AKAP14: variants seen among roughly 807,000 people sequenced by gnomAD.
AKAP14 encodes A-kinase anchor protein 14.
AKAP14 carries 4 observed loss-of-function variants against 17.0 expected under a neutral mutation model. The observed-to-expected ratio is 0.23, with a 90% confidence interval of 0.12 to 0.54. AKAP14 has a LOEUF of 0.54. AKAP14 is among the 20% of genes least tolerant of loss of function. The pLI is 0.95. For synonymous variants in AKAP14, 42 were observed against 51.3 expected, an observed-to-expected ratio of 0.82 and a Z score of 0.77; for missense variants, 129 against 150.9, an observed-to-expected ratio of 0.85 and a Z score of 0.76.
intron 4 of AKAP14, among the ~76,000 whole-genome samples, chrX:119,906,360 G>A (rs1422775627): frequency 2.9e-5 from 3 of 102,736 alleles, no homozygotes; most frequent in Non-Finnish European, 5.9e-5. Context: ...TCAGCCTCCC[G>A]AGTAGCTGGG....
chrX:119,902,759 T>C (rs2056574124), intron 2 of AKAP14, among the ~76,000 whole-genome samples: 1 of 111,248 alleles, frequency 9.0e-6, no homozygotes, highest in Non-Finnish European at 1.9e-5. Context: ...TGGCGCGATC[T>C]TGGCTCACTG....
chrX:119,916,472 CTATCT>C (rs1179612891), intron 5 of AKAP14, among the ~76,000 whole-genome samples: 1 of 105,474 alleles, frequency 9.5e-6, no homozygotes, highest in African/African-American at 3.4e-5. Flanking sequence ...ATCTATCTAT[CTATCT>C]ATCTATCATC....
intron 4 of AKAP14, 47 bp from the exon 5 acceptor site, chrX:119,914,652 G>A: frequency 1.4e-5 from 16 of 1,151,661 alleles, no homozygotes; most frequent in Non-Finnish European, 1.9e-5. Context: ...GACTTGAACA[G>A]AAGGCTTTTC....
At chrX:119,916,360 G>A (rs1289269713) in intron 5 of AKAP14, among the ~76,000 whole-genome samples, 1 of 110,566 alleles carries the variant, frequency 9.0e-6, no homozygotes, top group African/African-American at 3.3e-5. Context: ...GATTACAGGC[G>A]TGAGCCACCA....
At chrX:119,898,053 C>T (rs937784706) in intron 2 of AKAP14, among the ~76,000 whole-genome samples, 7 of 112,449 alleles carry the variant, frequency 6.2e-5, no homozygotes, top group African/African-American at 2.3e-4. Context: ...ATCCCAGCTA[C>T]TCAGGAGGCT....
chrX:119,903,423 T>G (rs2056579421), intron 3 of AKAP14, 31 bp downstream of exon 3: 2 of 1,210,730 alleles, frequency 1.7e-6, no homozygotes, highest in Admixed American at 2.2e-5. Flanking sequence ...GATGCCTAAA[T>G]AATTGTCTAT....
intron 4 of AKAP14, among the ~76,000 whole-genome samples, chrX:119,906,184 G>A (rs1414121662): frequency 3.8e-5 from 4 of 104,912 alleles, no homozygotes; most frequent in Non-Finnish European, 5.8e-5. Context: ...ATGTAAAATC[G>A]CCCTGTTCCC....
intron 4 of AKAP14, among the ~76,000 whole-genome samples, chrX:119,908,955 C>G (rs1276413353): frequency 9.0e-6 from 1 of 111,348 alleles, no homozygotes; most frequent in African/African-American, 3.3e-5. Context: ...ACTGAGGCTT[C>G]TAGTGGGGTG....
At chrX:119,916,444 CTATCT>C (rs1412063779) in intron 5 of AKAP14, among the ~76,000 whole-genome samples, 10 of 100,779 alleles carry the variant, frequency 9.9e-5, no homozygotes, top group Non-Finnish European at 1.0e-4. Flanking sequence ...ATCTATCTAT[CTATCT>C]ATCTATCTAT....
chrX:119,896,401 A>AGGGG (rs1358793641), intron 2 of AKAP14, 134 bp downstream of exon 2: 1 of 87,947 alleles, frequency 1.1e-5, no homozygotes, highest in Non-Finnish European at 2.2e-5. Flanking sequence ...GGCCTCTGAG[A>AGGGG]AGGGGAGGGG....
intron 4 of AKAP14, among the ~76,000 whole-genome samples, chrX:119,909,946 C>G (rs2056619229): frequency 9.1e-6 from 1 of 109,464 alleles, no homozygotes; most frequent in Non-Finnish European, 1.9e-5. Flanking sequence ...TCACTTGAGC[C>G]TAGGAGTTTG....
chrX:119,919,309 A>G (rs1259371548), intron 5 of AKAP14, among the ~76,000 whole-genome samples: 1 of 112,365 alleles, frequency 8.9e-6, no homozygotes, highest in Non-Finnish European at 1.9e-5. Flanking sequence ...AGTTGAGTAA[A>G]GTGGAGCATG....
intron 5 of AKAP14, among the ~76,000 whole-genome samples, chrX:119,917,670 C>T (rs753577524): frequency 9.0e-6 from 1 of 110,680 alleles, no homozygotes; most frequent in Admixed American, 9.7e-5. Context: ...GTCCCAGCTA[C>T]TTGGGAGGTT....
At chrX:119,916,829 C>A (rs2056661501) in intron 5 of AKAP14, among the ~76,000 whole-genome samples, 1 of 100,081 alleles carries the variant, frequency 1.0e-5, no homozygotes, top group Admixed American at 1.0e-4. Context: ...TTTCCAAGGG[C>A]AGGCGCGGTG....
intron 4 of AKAP14, among the ~76,000 whole-genome samples, chrX:119,908,219 G>A (rs1467709740): frequency 1.6e-4 from 17 of 107,036 alleles, no homozygotes; most frequent in Admixed American, 1.4e-3. Context: ...CCTGGGAGGC[G>A]GAGGTTGCAG....
At chrX:119,916,450 AT>A (rs2056657797) in intron 5 of AKAP14, among the ~76,000 whole-genome samples, 2 of 106,266 alleles carry the variant, frequency 1.9e-5, no homozygotes, top group Non-Finnish European at 3.9e-5. Context: ...CTATCTATCT[AT>A]CTATCTATCT....
chrX:119,911,961 G>C (rs757657935), intron 4 of AKAP14, among the ~76,000 whole-genome samples: 1 of 104,103 alleles, frequency 9.6e-6, no homozygotes. Flanking sequence ...ATGGAGTTTC[G>C]CTCTTGTCGC....
At chrX:119,908,265 CAACA>C (rs1322225242) in intron 4 of AKAP14, among the ~76,000 whole-genome samples, 6 of 85,853 alleles carry the variant, frequency 7.0e-5, no homozygotes, top group Non-Finnish European at 1.3e-4. Flanking sequence ...CCAGCCTGGG[CAACA>C]GAGTGAGACT....
At position 119,903,393 on chromosome X, in the gene AKAP14, G is replaced by A. The variant is rs749357030; in HGVS notation, c.169+1G>A. Reference sequence around the variant, plus strand: ...AATTATGCTGTTAAGATTGTGGAAGGTAGTGATCCTGTTTGTTTGGATGCC... The same window carrying A: ...AATTATGCTGTTAAGATTGTGGAAGATAGTGATCCTGTTTGTTTGGATGCC... On this transcript the variant is annotated splice_donor_variant, in intron 3 of 6. Coordinates refer to ENST00000371431, the MANE Select transcript of AKAP14 (RefSeq NM_178813.6). LOFTEE classifies it high-confidence loss of function. 1 of 1,209,905 alleles carries A rather than the reference G, an allele frequency of 8.3e-7. No homozygotes were observed. The highest frequency in any genetic ancestry group is 1.1e-6 in the Non-Finnish European group (1 of 895,032).
Sources: allele counts gnomAD v4.1 joint callset (sites outside exome capture counted in the v4.1 genomes callset), GRCh38; gene constraint gnomAD v4.1.1; transcripts MANE v1.5; gene names NCBI Gene and HGNC (gene_info 2026-07-23, HGNC 2026-07-21).